The following DLG2 variants were observed in gnomAD, a reference collection of about 807,000 sequenced individuals.
The protein encoded by DLG2 is discs large MAGUK scaffold protein 2, also known as disks large homolog 2.
DLG2 carries 45 observed loss-of-function variants against 132.5 expected under a neutral mutation model. The observed-to-expected ratio is 0.34, with a 90% confidence interval of 0.27 to 0.44. The LOEUF is 0.44. Among genes scored for constraint, DLG2 ranks in the 20% least tolerant of loss-of-function variants. DLG2 has a pLI of 1.00. For missense variants in DLG2, 1,045 were observed against 1,196.9 expected, an observed-to-expected ratio of 0.87 and a Z score of 1.87; for synonymous variants, 424 against 419.6, an observed-to-expected ratio of 1.01 and a Z score of -0.13.
At chr11:85,529,263 G>C (rs2075021599) in intron 3 of DLG2, among the ~76,000 whole-genome samples, 1 of 152,066 alleles carries the variant, frequency 6.6e-6, no homozygotes, top group South Asian at 2.1e-4. Flanking sequence ...ATCACCACCT[G>C]TTCCCCGACA....
intron 22 of DLG2, among the ~76,000 whole-genome samples, chr11:83,481,090 A>G (rs1219325005): frequency 6.6e-6 from 1 of 152,106 alleles, no homozygotes; most frequent in Non-Finnish European, 1.5e-5. Flanking sequence ...TTGGATAGCT[A>G]TTGAATACTA....
intron 18 of DLG2, among the ~76,000 whole-genome samples, chr11:83,741,505 C>T (rs1039475719): frequency 6.6e-6 from 1 of 151,796 alleles, no homozygotes; most frequent in Non-Finnish European, 1.5e-5. Context: ...TTCTATATAC[C>T]AACAACATCA....
chr11:83,472,668 C>T (rs2092200540), intron 23 of DLG2, 59 bp downstream of exon 23: 1 of 1,484,250 alleles, frequency 6.7e-7, no homozygotes, highest in African/African-American at 1.4e-5. Context: ...TTCCCTCCTT[C>T]AATGATGTCA....
At chr11:84,695,575 T>C (rs1317457943) in intron 6 of DLG2, among the ~76,000 whole-genome samples, 1 of 151,576 alleles carries the variant, frequency 6.6e-6, no homozygotes, top group Non-Finnish European at 1.5e-5. Flanking sequence ...TCAGAAAGCA[T>C]GGAATGAGAT....
At chr11:85,365,653 A>G (rs2084490409) in intron 3 of DLG2, among the ~76,000 whole-genome samples, 1 of 152,198 alleles carries the variant, frequency 6.6e-6, no homozygotes, top group South Asian at 2.1e-4. Flanking sequence ...TTGCAGCACT[A>G]TTCACAATAG....
chr11:84,387,987 T>C (rs2098777692), intron 7 of DLG2, among the ~76,000 whole-genome samples: 1 of 152,146 alleles, frequency 6.6e-6, no homozygotes, highest in African/African-American at 2.4e-5. Flanking sequence ...GTGGAGATGA[T>C]TTCTTCCAGC....
At chr11:85,292,711 A>AC in intron 3 of DLG2, among the ~76,000 whole-genome samples, 1 of 87,566 alleles carries the variant, frequency 1.1e-5, no homozygotes, top group Non-Finnish European at 2.3e-5. Flanking sequence ...GGAAGGAGGG[A>AC]GGAAGGGAAG....
At chr11:85,413,860 T>G (rs750793650) in intron 3 of DLG2, among the ~76,000 whole-genome samples, 5 of 152,116 alleles carry the variant, frequency 3.3e-5, no homozygotes, top group Non-Finnish European at 7.4e-5. Flanking sequence ...TTATTTTTGC[T>G]TAGTCTTGCT....
intron 3 of DLG2, among the ~76,000 whole-genome samples, chr11:85,377,669 C>T (rs934490048): frequency 5.3e-5 from 8 of 151,842 alleles, no homozygotes; most frequent in Admixed American, 3.9e-4. Flanking sequence ...AATAATTGGA[C>T]TCAAGCCCCA....
At chr11:84,785,512 A>G (rs987334548) in intron 6 of DLG2, among the ~76,000 whole-genome samples, 1 of 152,090 alleles carries the variant, frequency 6.6e-6, no homozygotes, top group Middle Eastern at 3.2e-3. Flanking sequence ...TAAAATGGTG[A>G]TATTCTATTA....
intron 7 of DLG2, among the ~76,000 whole-genome samples, chr11:84,450,888 A>G (rs10898235): frequency 0.23 from 35,540 of 151,702 alleles, 4,372 homozygotes; most frequent in South Asian, 0.37. Context: ...TCCAAAAAAA[A>G]AAAAGAGTTA....
chr11:84,570,248 G>A (rs527319493), intron 6 of DLG2, among the ~76,000 whole-genome samples: 1 of 152,204 alleles, frequency 6.6e-6, no homozygotes, highest in African/African-American at 2.4e-5. Context: ...GCCATTGATT[G>A]TGTTGTCCTC....
chr11:84,092,980 G>C (rs910813505), intron 10 of DLG2, among the ~76,000 whole-genome samples: 25 of 150,314 alleles, frequency 1.7e-4, no homozygotes, highest in African/African-American at 4.9e-4. Context: ...AGGTGGCAGT[G>C]AGCCGAGATT....
At chr11:84,084,708 G>A (rs1311251358) in intron 10 of DLG2, among the ~76,000 whole-genome samples, 1 of 151,900 alleles carries the variant, frequency 6.6e-6, no homozygotes, top group East Asian at 1.9e-4. Context: ...TAGGAATTCT[G>A]TTAACTTACC....
chr11:84,947,295 C>G (rs1212541480), intron 6 of DLG2, among the ~76,000 whole-genome samples: 1 of 152,114 alleles, frequency 6.6e-6, no homozygotes. Context: ...CTGGAGGGTT[C>G]TATTTGGCCA....
At chr11:84,510,001 A>G (rs2099252700) in intron 7 of DLG2, among the ~76,000 whole-genome samples, 1 of 151,738 alleles carries the variant, frequency 6.6e-6, no homozygotes, top group South Asian at 2.1e-4. Flanking sequence ...AAAAACAAAA[A>G]TAAATTCACT....
intron 3 of DLG2, among the ~76,000 whole-genome samples, chr11:85,488,421 A>G (rs1172639240): frequency 6.6e-6 from 1 of 151,992 alleles, no homozygotes; most frequent in Non-Finnish European, 1.5e-5. Flanking sequence ...AACCACAACA[A>G]AAAGTGTCTT....
At chr11:84,839,157 A>G (rs1277324027) in intron 6 of DLG2, among the ~76,000 whole-genome samples, 2 of 152,154 alleles carry the variant, frequency 1.3e-5, no homozygotes, top group Non-Finnish European at 2.9e-5. Flanking sequence ...TCAGGATACA[A>G]AATCAATGTG....
intron 3 of DLG2, among the ~76,000 whole-genome samples, chr11:85,528,807 C>A (rs1364450754): frequency 1.3e-5 from 2 of 152,164 alleles, no homozygotes; most frequent in Admixed American, 6.5e-5. Flanking sequence ...ACAGACTTAA[C>A]ATTTTCATTT....
Sources: allele counts gnomAD v4.1 joint callset (sites outside exome capture counted in the v4.1 genomes callset), GRCh38; gene constraint gnomAD v4.1.1; transcripts MANE v1.5; gene names NCBI Gene and HGNC (gene_info 2026-07-23, HGNC 2026-07-21).